The following CDH13 variants were observed in gnomAD, a reference collection of about 807,000 sequenced individuals.
The protein encoded by CDH13 is cadherin-13.
In CDH13, 24 loss-of-function variants were observed where a neutral mutation model predicts 63.8. That is an observed-to-expected ratio of 0.38 (90% CI 0.27 to 0.53). CDH13 has a LOEUF of 0.53. CDH13 is among the 20% of genes least tolerant of loss of function. The pLI is 0.85. For synonymous variants in CDH13, 503 were observed against 355.3 expected (o/e 1.42, Z -4.67); for missense variants, 1,049 against 903.1 (o/e 1.16, Z -2.07).
chr16:83,490,150 C>T (rs531529891), intron 7 of CDH13, among the ~76,000 whole-genome samples: 12 of 152,218 alleles, frequency 7.9e-5, no homozygotes, highest in East Asian at 5.8e-4. Context: ...TTGGGTGACA[C>T]GAGCTAAGTT....
At chr16:82,652,701 G>A (rs1416895276) in intron 1 of CDH13, among the ~76,000 whole-genome samples, 1 of 147,604 alleles carries the variant, frequency 6.8e-6, no homozygotes, top group Admixed American at 6.7e-5. Context: ...GCATTACCTA[G>A]AATTGTTTTT....
chr16:83,360,913 A>G (rs1157868131), intron 6 of CDH13, among the ~76,000 whole-genome samples: 1 of 152,240 alleles, frequency 6.6e-6, no homozygotes, highest in Non-Finnish European at 1.5e-5. Context: ...TGCAACAAAC[A>G]TATGAGTGCA....
rs1158282089 is a variant in CDH13 at position 82,880,924 on chromosome 16, T to G, written c.157+22451T>G. Among the ~76,000 whole-genome samples, 23 of 152,192 alleles carry G rather than the reference T, an allele frequency of 1.5e-4. 1 individual carries two copies. Among genetic ancestry groups the G allele is most frequent in the Non-Finnish European group, 3.2e-4 (22 of 68,042 alleles). On this transcript the variant is annotated intron_variant, in intron 2 of 13. Transcript: ENST00000567109. ...TAAATAATGCCCAACATCTGGGGCTTTGAAAACCAATGGGATAAACTTTGT... is the reference window on the plus strand; with the variant it reads ...TAAATAATGCCCAACATCTGGGGCTGTGAAAACCAATGGGATAAACTTTGT...
At chr16:83,409,258 G>A (rs1469866590) in intron 6 of CDH13, among the ~76,000 whole-genome samples, 2 of 152,104 alleles carry the variant, frequency 1.3e-5, no homozygotes, top group East Asian at 1.9e-4. Context: ...GAGCTGGGGA[G>A]TGGATATGCC....
At chr16:82,987,363 T>TTGTG (rs1226138849) in intron 2 of CDH13, among the ~76,000 whole-genome samples, 3 of 151,934 alleles carry the variant, frequency 2.0e-5, no homozygotes, top group Non-Finnish European at 4.4e-5. Context: ...TTGTTTTGTT[T>TTGTG]TGTTTGTTTG....
intron 1 of CDH13, among the ~76,000 whole-genome samples, chr16:82,636,364 G>C (rs72832159): frequency 1.3e-5 from 2 of 152,118 alleles, no homozygotes; most frequent in African/African-American, 4.8e-5. Flanking sequence ...ATTGCCAGCA[G>C]ATCCAGTCCA....
At chr16:82,752,366 T>C (rs901887280) in intron 1 of CDH13, among the ~76,000 whole-genome samples, 1 of 152,140 alleles carries the variant, frequency 6.6e-6, no homozygotes, top group Non-Finnish European at 1.5e-5. Context: ...TTGGGTGCAC[T>C]GCCTTGTGCT....
intron 13 of CDH13, chr16:83,790,239 A>T (rs13339297): frequency 3.3e-5 from 5 of 152,134 alleles, no homozygotes; most frequent in Non-Finnish European, 7.3e-5. Context: ...ATTTCAGTTT[A>T]GTATGACCTG....
At chr16:82,684,653 A>T (rs539451035) in intron 1 of CDH13, among the ~76,000 whole-genome samples, 2 of 152,004 alleles carry the variant, frequency 1.3e-5, no homozygotes, top group Non-Finnish European at 2.9e-5. Context: ...TGGAGTCTCT[A>T]CTGGTTCCAT....
intron 2 of CDH13, among the ~76,000 whole-genome samples, chr16:83,014,363 T>A (rs867085808): frequency 2.6e-5 from 4 of 151,468 alleles, no homozygotes; most frequent in Admixed American, 1.3e-4. Context: ...TAACTAAATT[T>A]TAACTGACGT....
chr16:83,529,560 T>G (rs755422230), intron 7 of CDH13, among the ~76,000 whole-genome samples: 13 of 152,174 alleles, frequency 8.5e-5, no homozygotes, highest in Non-Finnish European at 1.6e-4. Context: ...TAAAGAAATG[T>G]GCATGCCATT....
At chr16:82,847,746 T>A (rs1157273120) in intron 1 of CDH13, among the ~76,000 whole-genome samples, 2 of 152,318 alleles carry the variant, frequency 1.3e-5, no homozygotes, top group East Asian at 3.9e-4. Flanking sequence ...CAGTGACCGT[T>A]TCTCTAGCAA....
intron 1 of CDH13, among the ~76,000 whole-genome samples, chr16:82,627,701 C>A (rs949127722): frequency 6.6e-6 from 1 of 152,124 alleles, no homozygotes; most frequent in Non-Finnish European, 1.5e-5. Flanking sequence ...AGCAGAGAGC[C>A]TCAGCCCGGC....
chr16:82,761,013 CTTTCTTT>C (rs2034818968), intron 1 of CDH13, among the ~76,000 whole-genome samples: 1 of 43,624 alleles, frequency 2.3e-5, no homozygotes, highest in African/African-American at 6.4e-5. Context: ...ACATTTCTTT[CTTTCTTT>C]TTTTTTTTTT....
At chr16:83,385,735 G>A (rs1334456299) in intron 6 of CDH13, among the ~76,000 whole-genome samples, 2 of 152,120 alleles carry the variant, frequency 1.3e-5, no homozygotes, top group African/African-American at 2.4e-5. Flanking sequence ...CTACAGGAGA[G>A]GCTGGAGAAT....
intron 8 of CDH13, among the ~76,000 whole-genome samples, chr16:83,631,928 G>A (rs58366618): frequency 0.18 from 27,741 of 152,168 alleles, 2,989 homozygotes; most frequent in Middle Eastern, 0.28. Context: ...AGTCTCGTTC[G>A]CCAGCTGAGC....
At chr16:83,225,547 G>A (rs1269219521) in intron 5 of CDH13, among the ~76,000 whole-genome samples, 2 of 152,232 alleles carry the variant, frequency 1.3e-5, no homozygotes, top group Non-Finnish European at 2.9e-5. Context: ...AGTTGGAACA[G>A]GCTGATGTAA....
At chr16:83,151,182 G>C (rs989148453) in intron 4 of CDH13, among the ~76,000 whole-genome samples, 1 of 152,152 alleles carries the variant, frequency 6.6e-6, no homozygotes, top group Non-Finnish European at 1.5e-5. Context: ...TATCCCTGTA[G>C]GAAACTCGAA....
intron 11 of CDH13, among the ~76,000 whole-genome samples, chr16:83,774,697 A>T (rs1914986924): frequency 6.6e-6 from 1 of 152,190 alleles, no homozygotes; most frequent in African/African-American, 2.4e-5. Context: ...TGAAAAAAAA[A>T]TAAAAAATTC....
Sources: allele counts gnomAD v4.1 joint callset (sites outside exome capture counted in the v4.1 genomes callset), GRCh38; gene constraint gnomAD v4.1.1; transcripts MANE v1.5; gene names NCBI Gene and HGNC (gene_info 2026-07-23, HGNC 2026-07-21).